Variants in ASIC2 observed in about 807,000 individuals in gnomAD.
ASIC2 encodes the protein acid sensing ion channel subunit 2, also known as acid-sensing ion channel 2.
In ASIC2, 25 loss-of-function variants were observed where a neutral mutation model predicts 57.3. The observed-to-expected ratio is 0.44, with a 90% confidence interval of 0.32 to 0.61. ASIC2 has a LOEUF of 0.61. Ranked by LOEUF, ASIC2 falls within the 20% of genes least tolerant of loss-of-function variation. ASIC2 has a pLI of 0.06. For missense variants in ASIC2, 641 were observed against 738.1 expected (o/e 0.87, Z 1.52); for synonymous variants, 319 against 307.5 (o/e 1.04, Z -0.39).
At chr17:33,623,236 GTTT>G (rs770813988) in intron 1 of ASIC2, among the ~76,000 whole-genome samples, 10 of 129,294 alleles carry the variant, frequency 7.7e-5, no homozygotes, top group African/African-American at 2.7e-4. Context: ...TTGTGATATC[GTTT>G]TTTTTTGTTT....
At chr17:33,094,053 G>A (rs2092168094) in intron 2 of ASIC2, among the ~76,000 whole-genome samples, 1 of 152,206 alleles carries the variant, frequency 6.6e-6, no homozygotes, top group African/African-American at 2.4e-5. Context: ...TCACAGTGCA[G>A]CAAGGGCCTT....
intron 1 of ASIC2, among the ~76,000 whole-genome samples, chr17:33,879,340 A>T (rs1006137745): frequency 6.6e-6 from 1 of 152,264 alleles, no homozygotes; most frequent in Non-Finnish European, 1.5e-5. Context: ...AAGACCCATC[A>T]GTGTGCTCTA....
At chr17:34,051,998 A>G (rs1908587202) in intron 1 of ASIC2, among the ~76,000 whole-genome samples, 1 of 152,160 alleles carries the variant, frequency 6.6e-6, no homozygotes, top group Admixed American at 6.5e-5. Context: ...TATTTTGCTT[A>G]GCACTAAGGG....
At chr17:33,658,065 CCCTCACCTGAGG>C (rs778463294) in intron 1 of ASIC2, among the ~76,000 whole-genome samples, 5 of 152,188 alleles carry the variant, frequency 3.3e-5, no homozygotes, top group Non-Finnish European at 5.9e-5. Context: ...GCTTGCCTAG[CCCTCACCTGAGG>C]CCTCACCTGA....
intron 1 of ASIC2, among the ~76,000 whole-genome samples, chr17:33,723,680 G>A (rs1337505843): frequency 6.6e-6 from 1 of 152,190 alleles, no homozygotes; most frequent in Admixed American, 6.5e-5. Context: ...AATCCACAGA[G>A]ATTAAAGTCA....
At chr17:33,860,064 C>T (rs1914064970) in intron 1 of ASIC2, among the ~76,000 whole-genome samples, 1 of 152,116 alleles carries the variant, frequency 6.6e-6, no homozygotes. Flanking sequence ...TCATCTGAAT[C>T]TTGGCTCTGT....
At chr17:33,748,655 C>T (rs1193882446) in intron 1 of ASIC2, among the ~76,000 whole-genome samples, 1 of 152,090 alleles carries the variant, frequency 6.6e-6, no homozygotes, top group Non-Finnish European at 1.5e-5. Flanking sequence ...CTGGGGATTC[C>T]TTCCACCTCC....
chr17:33,287,357 A>T (rs1333329915), intron 1 of ASIC2, among the ~76,000 whole-genome samples: 3 of 152,228 alleles, frequency 2.0e-5, no homozygotes, highest in Non-Finnish European at 2.9e-5. Context: ...GTTCCTGCAG[A>T]GGACCTCAGA....
chr17:33,732,252 C>A (rs1909764444), intron 1 of ASIC2, among the ~76,000 whole-genome samples: 1 of 152,186 alleles, frequency 6.6e-6, no homozygotes, highest in Non-Finnish European at 1.5e-5. Context: ...TACATCGTAG[C>A]ACATGTGTTC....
intron 1 of ASIC2, among the ~76,000 whole-genome samples, chr17:33,545,360 T>C (rs1915545586): frequency 6.6e-6 from 1 of 152,130 alleles, no homozygotes. Flanking sequence ...TGTCTGACAG[T>C]GATTGAAAGA....
intron 3 of ASIC2, among the ~76,000 whole-genome samples, chr17:33,071,934 C>T (rs1433078956): frequency 1.3e-5 from 2 of 152,198 alleles, no homozygotes; most frequent in Non-Finnish European, 1.5e-5. Flanking sequence ...ACTGTTTCCT[C>T]TCATCTTCTC....
At chr17:33,172,363 C>G (rs189342492) in intron 1 of ASIC2, among the ~76,000 whole-genome samples, 39 of 152,330 alleles carry the variant, frequency 2.6e-4, no homozygotes, top group Admixed American at 2.5e-3. Context: ...CCACCCCTGC[C>G]ACAGGTAGCA....
Position 34,035,025 on chromosome 17 carries a change from A to G in ASIC2, c.555+120953T>C, listed in dbSNP as rs889590365. On this transcript the variant is annotated intron_variant, in intron 1 of 9. Transcript: ENST00000359872. ...TGGAAAAAACTACTTTAAAGTTCAT[A>G]TGGAACCAAAAAAGAGCCTGCATCG... 2.6e-5 allele frequency among the ~76,000 whole-genome samples: 4 copies of G among 151,400 alleles called. 1 individual carries two copies. Among genetic ancestry groups the G allele is most frequent in the African/African-American group, 9.8e-5 (4 of 40,674 alleles).
intron 1 of ASIC2, among the ~76,000 whole-genome samples, chr17:33,248,366 T>G (rs1908765561): frequency 6.6e-6 from 1 of 152,228 alleles, no homozygotes; most frequent in African/African-American, 2.4e-5. Flanking sequence ...CTGAGATGCC[T>G]GCAGCTTTTC....
chr17:33,727,475 A>G (rs970189060), intron 1 of ASIC2, among the ~76,000 whole-genome samples: 1 of 152,076 alleles, frequency 6.6e-6, no homozygotes, highest in African/African-American at 2.4e-5. Context: ...GTCATCCCCA[A>G]TGTTGGAGGT....
intron 1 of ASIC2, among the ~76,000 whole-genome samples, chr17:33,455,545 A>G (rs1054478997): frequency 2.0e-5 from 3 of 152,222 alleles, no homozygotes; most frequent in African/African-American, 7.2e-5. Context: ...TGGCTGCATA[A>G]TATTCCATGG....
rs376270603 is a variant in ASIC2, at chr17:33,169,058, G to A, written c.709-56991C>T. On this transcript the variant is annotated intron_variant, in intron 1 of 9. Coordinates refer to ENST00000225823, the MANE Select transcript of ASIC2 (RefSeq NM_183377.2). ...TGGTTTCAGGGGATGGGCCAGGGGC[G>A]CTGTCCATGGGTTCACTGCCCAGAG... 1.8e-3 allele frequency among the ~76,000 whole-genome samples: 270 copies of A among 152,298 alleles called. 1 individual carries two copies. Among genetic ancestry groups the A allele is most frequent in the African/African-American group, 5.7e-3 (237 of 41,552 alleles).
At chr17:33,151,248 C>A (rs1193986791) in intron 1 of ASIC2, among the ~76,000 whole-genome samples, 2 of 151,590 alleles carry the variant, frequency 1.3e-5, no homozygotes, top group Non-Finnish European at 2.9e-5. Flanking sequence ...GTGGCCTACA[C>A]CTCTAGTCTC....
At chr17:33,847,440 T>C (rs1001738439) in intron 1 of ASIC2, among the ~76,000 whole-genome samples, 1 of 152,048 alleles carries the variant, frequency 6.6e-6, no homozygotes, top group Non-Finnish European at 1.5e-5. Flanking sequence ...GACACTCTAT[T>C]TCCTGCCCTG....
Sources: gnomAD v4.1 joint callset for allele counts (sites outside exome capture counted in the v4.1 genomes callset) on GRCh38, gnomAD v4.1.1 for gene constraint, MANE v1.5 for transcripts, NCBI Gene and HGNC (gene_info 2026-07-23, HGNC 2026-07-21) for gene names.